PDE7B: variants seen among roughly 807,000 people sequenced by gnomAD.
PDE7B encodes the protein 3',5'-cyclic-AMP phosphodiesterase 7B.
A neutral mutation model predicts 56.2 loss-of-function variants in PDE7B; 29 were observed. The ratio of observed to expected loss-of-function variants is 0.52; its 90% CI spans 0.38 to 0.70. The LOEUF is 0.70. PDE7B is among the 30% of genes least tolerant of loss of function. The pLI is 0.00. For missense variants in PDE7B, 490 were observed against 565.0 expected, an observed-to-expected ratio of 0.87 and a Z score of 1.35; for synonymous variants, 197 against 196.9, an observed-to-expected ratio of 1.00 and a Z score of 0.00.
At chr6:136,029,276 T>G (rs551996773) in intron 2 of PDE7B, among the ~76,000 whole-genome samples, 3 of 152,270 alleles carry the variant, frequency 2.0e-5, no homozygotes, top group African/African-American at 7.2e-5. Flanking sequence ...ATCAATTGCC[T>G]CCTCAAAGTT....
chr6:136,087,334 CT>C (rs1777310099), intron 2 of PDE7B, among the ~76,000 whole-genome samples: 1 of 151,634 alleles, frequency 6.6e-6, no homozygotes, highest in African/African-American at 2.4e-5. Flanking sequence ...AAAATAGTAC[CT>C]CAAAATACCT....
intron 8 of PDE7B, among the ~76,000 whole-genome samples, chr6:136,173,108 C>T (rs1009045028): frequency 1.3e-5 from 2 of 152,150 alleles, no homozygotes; most frequent in African/African-American, 4.8e-5. Context: ...AATGCCATCC[C>T]CATCAAACTA....
intron 2 of PDE7B, among the ~76,000 whole-genome samples, chr6:135,981,594 G>T (rs1167165297): frequency 2.7e-5 from 4 of 148,392 alleles, no homozygotes; most frequent in African/African-American, 9.9e-5. Context: ...TCTTGACCCT[G>T]GGTAGGCCTA....
At chr6:135,919,522 G>A (rs981609310) in intron 1 of PDE7B, among the ~76,000 whole-genome samples, 1 of 152,150 alleles carries the variant, frequency 6.6e-6, no homozygotes, top group African/African-American at 2.4e-5. Flanking sequence ...CTCTCAACAT[G>A]ACAGTAGTAC....
chr6:136,044,404 A>G (rs1776465516), intron 2 of PDE7B: 1 of 152,240 alleles, frequency 6.6e-6, no homozygotes, highest in South Asian at 2.1e-4. Context: ...TAGCTTACAA[A>G]TTGCCATCAG....
At chr6:136,170,120 C>T (rs1778856143) in intron 8 of PDE7B, among the ~76,000 whole-genome samples, 1 of 152,116 alleles carries the variant, frequency 6.6e-6, no homozygotes, top group African/African-American at 2.4e-5. Flanking sequence ...GATTGTGTCA[C>T]TAACAAGAGA....
At chr6:136,148,916 G>A (rs375072881) in intron 4 of PDE7B, among the ~76,000 whole-genome samples, 171 bp from the exon 5 acceptor site, 92 of 152,202 alleles carry the variant, frequency 6.0e-4, no homozygotes, top group African/African-American at 2.1e-3. Context: ...TTTGTGTCAC[G>A]CTGAGGCATT....
In PDE7B at chr6:135,966,592, G is replaced by A. The variant is rs573300913; in HGVS notation, c.82+19068G>A. Among the ~76,000 whole-genome samples the A allele has an allele frequency of 7.2e-5, 11 of 152,206 alleles. No individual in the cohort carries two copies. The South Asian group carries it at 2.3e-3, about 32-fold the overall frequency. On this transcript the variant is annotated intron_variant, in intron 2 of 12. Coordinates refer to ENST00000308191, the MANE Select transcript of PDE7B (RefSeq NM_018945.4). The stretch of plus-strand genomic sequence containing the variant: ...CCTAGGGTTGCGATGTGGCAGCCCT[G>A]GGCATGAGAGATTGGTTCATCACAG...
At chr6:136,033,931 G>C (rs927113744) in intron 2 of PDE7B, 1 of 152,016 alleles carries the variant, frequency 6.6e-6, no homozygotes, top group African/African-American at 2.4e-5. Context: ...TGAACTGATG[G>C]AGAGGAAAGT....
At chr6:135,919,600 A>G (rs1418278967) in intron 1 of PDE7B, among the ~76,000 whole-genome samples, 1 of 152,226 alleles carries the variant, frequency 6.6e-6, no homozygotes, top group African/African-American at 2.4e-5. Flanking sequence ...GGTGGTCTTT[A>G]GGCAAAGCAT....
chr6:136,162,635 T>C (rs1223167279), intron 8 of PDE7B, among the ~76,000 whole-genome samples: 1 of 152,134 alleles, frequency 6.6e-6, no homozygotes, highest in Non-Finnish European at 1.5e-5. Context: ...CATTCCAGCA[T>C]TAACCCAAAA....
intron 2 of PDE7B, among the ~76,000 whole-genome samples, chr6:135,980,520 G>GA (rs1775276091): frequency 6.6e-6 from 1 of 151,696 alleles, no homozygotes; most frequent in Admixed American, 6.6e-5. Context: ...CAAAATGGGA[G>GA]AAAATTTTCA....
At chr6:135,955,241 G>C (rs1379065489) in intron 2 of PDE7B, among the ~76,000 whole-genome samples, 1 of 151,956 alleles carries the variant, frequency 6.6e-6, no homozygotes, top group Admixed American at 6.6e-5. Context: ...TGACAACATA[G>C]CATGATAAAC....
At chr6:136,012,146 C>T (rs1775906218) in intron 2 of PDE7B, among the ~76,000 whole-genome samples, 1 of 152,076 alleles carries the variant, frequency 6.6e-6, no homozygotes, top group Non-Finnish European at 1.5e-5. Flanking sequence ...AGACAGAGCA[C>T]CCACTCCCTT....
intron 2 of PDE7B, among the ~76,000 whole-genome samples, chr6:136,016,751 A>G (rs1775985039): frequency 6.6e-6 from 1 of 152,194 alleles, no homozygotes; most frequent in Non-Finnish European, 1.5e-5. Context: ...GAAAGGCAGA[A>G]GGACTTCTGG....
chr6:136,139,479 A>G (rs9766499), intron 3 of PDE7B, among the ~76,000 whole-genome samples: 68,361 of 151,980 alleles, frequency 0.45, 15,844 homozygotes, highest in African/African-American at 0.58. Flanking sequence ...CTTTGGGTAT[A>G]TACCCGGTAA....
chr6:136,085,674 G>C (rs768122597), intron 2 of PDE7B, among the ~76,000 whole-genome samples: 2 of 152,168 alleles, frequency 1.3e-5, no homozygotes, highest in Non-Finnish European at 2.9e-5. Flanking sequence ...AAAGAGTGGA[G>C]GCAAAGTAGT....
chr6:135,945,367 A>T (rs1161465646), intron 1 of PDE7B, among the ~76,000 whole-genome samples: 1 of 152,158 alleles, frequency 6.6e-6, no homozygotes, highest in African/African-American at 2.4e-5. Context: ...CTCCATTGAG[A>T]ACTCAATGCT....
chr6:136,151,045 GGGAAAAAATA>G, intron 5 of PDE7B, 105 bp from the exon 6 acceptor site: 1 of 574,280 alleles, frequency 1.7e-6, no homozygotes, highest in Non-Finnish European at 3.0e-6. Context: ...ACTTCTAAAG[GGGAAAAAATA>G]TTCTATCACA....
Sources: gnomAD v4.1 joint callset for allele counts (sites outside exome capture counted in the v4.1 genomes callset) on GRCh38, gnomAD v4.1.1 for gene constraint, MANE v1.5 for transcripts, NCBI Gene and HGNC (gene_info 2026-07-23, HGNC 2026-07-21) for gene names.